SND1: variants seen among roughly 807,000 people sequenced by gnomAD.
SND1 encodes staphylococcal nuclease domain-containing protein 1.
A neutral mutation model predicts 121.7 loss-of-function variants in SND1; 38 were observed. That is an observed-to-expected ratio of 0.31 (90% CI 0.24 to 0.41). The LOEUF is 0.41. Among genes scored for constraint, SND1 ranks in the 10% least tolerant of loss-of-function variants. The probability of loss-of-function intolerance (pLI) is 1.00; values close to 1 mark genes in which losing one functional copy is unlikely to be tolerated. For synonymous variants in SND1, 401 were observed against 447.4 expected (o/e 0.90, Z 1.31); for missense variants, 868 against 1,184.6 (o/e 0.73, Z 3.92).
chr7:127,991,112 C>T, intron 16 of SND1, 56 bp downstream of exon 16: 1 of 1,239,590 alleles, frequency 8.1e-7, no homozygotes, highest in Admixed American at 1.8e-5. Flanking sequence ...ATAAGGCTCC[C>T]TTGGTCTGCC....
intron 15 of SND1, among the ~76,000 whole-genome samples, chr7:127,940,265 C>A (rs1801164771): frequency 6.6e-6 from 1 of 152,112 alleles, no homozygotes. Flanking sequence ...AGTTCTAAGT[C>A]CCTTCTTGTG....
chr7:128,072,019 C>T (rs1048546792), intron 16 of SND1, among the ~76,000 whole-genome samples: 2 of 152,218 alleles, frequency 1.3e-5, no homozygotes, highest in African/African-American at 4.8e-5. Flanking sequence ...CGGCTGCACC[C>T]TGCAGTGTTG....
At chr7:127,844,622 T>C (rs1355062328) in intron 12 of SND1, among the ~76,000 whole-genome samples, 198 bp downstream of exon 12, 2 of 152,224 alleles carry the variant, frequency 1.3e-5, no homozygotes, top group Non-Finnish European at 2.9e-5. Flanking sequence ...TATACTTTCA[T>C]TATTGTAGTT....
At chr7:127,837,597 G>C (rs1798890128) in intron 11 of SND1, among the ~76,000 whole-genome samples, 1 of 152,208 alleles carries the variant, frequency 6.6e-6, no homozygotes, top group Non-Finnish European at 1.5e-5. Context: ...AATTAGCTTG[G>C]AGGTAAGCTC....
chr7:127,966,201 A>G (rs918351392), intron 15 of SND1, among the ~76,000 whole-genome samples: 7 of 151,982 alleles, frequency 4.6e-5, no homozygotes, highest in Non-Finnish European at 1.5e-5. Context: ...TCCTTTCAAA[A>G]GCAGGTCCTG....
At chr7:127,940,527 C>T (rs1188079633) in intron 15 of SND1, among the ~76,000 whole-genome samples, 2 of 152,172 alleles carry the variant, frequency 1.3e-5, no homozygotes, top group Non-Finnish European at 2.9e-5. Context: ...TGGTAATGGG[C>T]AGCGCCAGGG....
intron 13 of SND1, among the ~76,000 whole-genome samples, chr7:127,901,766 T>A (rs1800236464): frequency 1.3e-5 from 2 of 152,224 alleles, no homozygotes; most frequent in Admixed American, 1.3e-4. Flanking sequence ...TCCTCTTGAA[T>A]GTGCCAGAAA....
intron 16 of SND1, among the ~76,000 whole-genome samples, chr7:128,044,945 G>A (rs1050944898): frequency 1.3e-5 from 2 of 152,084 alleles, no homozygotes; most frequent in African/African-American, 4.8e-5. Flanking sequence ...TGTGTCCTGG[G>A]TTTAGCTCCT....
At chr7:127,928,627 G>A (rs1182303051) in intron 14 of SND1, among the ~76,000 whole-genome samples, 2 of 148,912 alleles carry the variant, frequency 1.3e-5, no homozygotes, top group South Asian at 2.1e-4. Context: ...CGCTCTTGTT[G>A]CCCAGGTTGG....
At chr7:127,884,718 G>A (rs1407173302) in intron 12 of SND1, among the ~76,000 whole-genome samples, 1 of 152,028 alleles carries the variant, frequency 6.6e-6, no homozygotes, top group African/African-American at 2.4e-5. Context: ...CTTGAGATGA[G>A]TTTTCTCCAA....
chr7:127,743,783 A>C (rs1045842493), intron 10 of SND1, among the ~76,000 whole-genome samples: 2 of 152,188 alleles, frequency 1.3e-5, no homozygotes, highest in African/African-American at 2.4e-5. Context: ...ATGTACGCCT[A>C]TCAGGCTTGG....
chr7:127,714,890 A>G (rs968383320), intron 9 of SND1, among the ~76,000 whole-genome samples: 1 of 152,174 alleles, frequency 6.6e-6, no homozygotes, highest in Non-Finnish European at 1.5e-5. Flanking sequence ...CAACCTGTTC[A>G]TGTGTCCATG....
chr7:127,712,232 C>T (rs1796310108), intron 9 of SND1, among the ~76,000 whole-genome samples: 1 of 152,176 alleles, frequency 6.6e-6, no homozygotes, highest in Admixed American at 6.5e-5. Flanking sequence ...CATCACAGCT[C>T]ACTGCAGCTT....
chr7:128,069,424 A>C (rs1793370503), intron 16 of SND1, among the ~76,000 whole-genome samples: 1 of 152,198 alleles, frequency 6.6e-6, no homozygotes, highest in Admixed American at 6.5e-5. Context: ...ACAGTCTAAG[A>C]GAGGTCAAGT....
At chr7:128,064,020 G>T (rs913456815) in intron 16 of SND1, among the ~76,000 whole-genome samples, 2 of 152,196 alleles carry the variant, frequency 1.3e-5, no homozygotes, top group African/African-American at 2.4e-5. Context: ...TTCAGCAGAA[G>T]GGTGAAGTGA....
intron 15 of SND1, among the ~76,000 whole-genome samples, chr7:127,973,476 T>C (rs944868826): frequency 3.3e-5 from 5 of 151,684 alleles, no homozygotes; most frequent in Non-Finnish European, 7.4e-5. Flanking sequence ...TGAGAAGAGG[T>C]AGGAAGGGCA....
At chr7:127,919,478 A>G (rs1462517071) in intron 14 of SND1, among the ~76,000 whole-genome samples, 2 of 152,232 alleles carry the variant, frequency 1.3e-5, no homozygotes, top group African/African-American at 4.8e-5. Flanking sequence ...TCTTGCCTAT[A>G]GAGACTTTGG....
At chr7:128,057,840 G>A (rs1434862275) in intron 16 of SND1, among the ~76,000 whole-genome samples, 1 of 152,234 alleles carries the variant, frequency 6.6e-6, no homozygotes, top group East Asian at 1.9e-4. Flanking sequence ...TGAAACTTCA[G>A]TGTGTGTTGA....
At chr7:127,824,643 T>TA (rs960237709) in intron 11 of SND1, among the ~76,000 whole-genome samples, 13 of 151,878 alleles carry the variant, frequency 8.6e-5, no homozygotes, top group Middle Eastern at 3.4e-3. Flanking sequence ...GTCCCAGTGC[T>TA]AAAAAAAAGA....
Sources: allele counts gnomAD v4.1 joint callset (sites outside exome capture counted in the v4.1 genomes callset), GRCh38; gene constraint gnomAD v4.1.1; transcripts MANE v1.5; gene names NCBI Gene and HGNC (gene_info 2026-07-23, HGNC 2026-07-21).